ZSCAN5A: variants seen among roughly 807,000 people sequenced by gnomAD.
ZSCAN5A encodes the protein zinc finger and SCAN domain containing 5A.
Under a neutral mutation model 23.7 loss-of-function variants are expected in ZSCAN5A, and 12 were observed. The ratio of observed to expected loss-of-function variants is 0.51; its 90% confidence interval spans 0.32 to 0.82. The LOEUF (loss-of-function observed/expected upper bound fraction) is 0.82. Among genes scored for constraint, ZSCAN5A ranks in the 40% least tolerant of loss-of-function variants. The probability of loss-of-function intolerance (pLI) is 0.03; values close to 1 mark genes in which losing one functional copy is unlikely to be tolerated. For missense variants in ZSCAN5A, 597 were observed against 617.9 expected (o/e 0.97, Z 0.36); for synonymous variants, 257 against 239.9 (o/e 1.07, Z -0.66).
At chr19:56,321,086 A>C (rs2041370633) in intron 2 of ZSCAN5A, 1 of 698,298 alleles carries the variant, frequency 1.4e-6, no homozygotes, top group Non-Finnish European at 2.7e-6. Context: ...GTATCTGCAG[A>C]TTTGGGATCT....
At chr19:56,223,073 G>C (rs1475614311) in intron 4 of ZSCAN5A, among the ~76,000 whole-genome samples, 5 of 152,160 alleles carry the variant, frequency 3.3e-5, no homozygotes, top group Admixed American at 6.5e-5. Flanking sequence ...AGGCCCCTCA[G>C]CTGTGGCACC....
At chr19:56,254,864 T>C (rs1437816006) in intron 2 of ZSCAN5A, among the ~76,000 whole-genome samples, 1 of 152,148 alleles carries the variant, frequency 6.6e-6, no homozygotes, top group Non-Finnish European at 1.5e-5. Flanking sequence ...TCTAAGTTCT[T>C]TGCCCATTTT....
At chr19:56,247,360 G>A (rs971285406) in intron 2 of ZSCAN5A, 7 of 228,604 alleles carry the variant, frequency 3.1e-5, no homozygotes, top group South Asian at 2.9e-4. Context: ...GAACCTGAAC[G>A]AGCACAAGCT....
intron 2 of ZSCAN5A, among the ~76,000 whole-genome samples, chr19:56,324,835 C>G (rs2041418011): frequency 6.6e-6 from 1 of 152,182 alleles, no homozygotes; most frequent in Non-Finnish European, 1.5e-5. Context: ...TCACCCAGCA[C>G]TGTTTTGGAG....
At chr19:56,277,685 T>A (rs1169837042) in intron 2 of ZSCAN5A, among the ~76,000 whole-genome samples, 1 of 152,046 alleles carries the variant, frequency 6.6e-6, no homozygotes, top group African/African-American at 2.4e-5. Flanking sequence ...GTGAATTATA[T>A]CTCAGTAAAG....
intron 2 of ZSCAN5A, among the ~76,000 whole-genome samples, chr19:56,256,779 G>A (rs1356773978): frequency 2.0e-5 from 3 of 152,168 alleles, no homozygotes; most frequent in African/African-American, 4.8e-5. Context: ...ACATCCAGTC[G>A]TGTGACGATT....
intron 2 of ZSCAN5A, among the ~76,000 whole-genome samples, chr19:56,296,572 G>T (rs2039891051): frequency 6.6e-6 from 1 of 152,150 alleles, no homozygotes; most frequent in African/African-American, 2.4e-5. Flanking sequence ...GTTATTCTAG[G>T]TGTTAGAGAT....
At chr19:56,353,591 C>T (rs56374537) in intron 2 of ZSCAN5A, among the ~76,000 whole-genome samples, 9,996 of 151,706 alleles carry the variant, frequency 0.066, 349 homozygotes, top group Middle Eastern at 0.18. Context: ...TCCTGGCTAA[C>T]GGCGGTGAAA....
chr19:56,251,910 G>A (rs757769062), intron 2 of ZSCAN5A, among the ~76,000 whole-genome samples: 1 of 152,122 alleles, frequency 6.6e-6, no homozygotes, highest in Non-Finnish European at 1.5e-5. Flanking sequence ...GAGCAAACCA[G>A]AGAAGAATAT....
chr19:56,253,613 G>A (rs562169366), intron 2 of ZSCAN5A, among the ~76,000 whole-genome samples: 47 of 86,080 alleles, frequency 5.5e-4, no homozygotes, highest in African/African-American at 4.5e-3. Flanking sequence ...GGAGGTGAGG[G>A]TTGTGATATT....
intron 2 of ZSCAN5A, chr19:56,263,296 C>T (rs1448201760): frequency 6.6e-6 from 1 of 152,206 alleles, no homozygotes; most frequent in Non-Finnish European, 1.5e-5. Context: ...TGAGCTCCAG[C>T]TTATGAGGAA....
At chr19:56,254,918 A>G (rs1318222967) in intron 2 of ZSCAN5A, among the ~76,000 whole-genome samples, 1 of 152,042 alleles carries the variant, frequency 6.6e-6, no homozygotes, top group Admixed American at 6.6e-5. Context: ...AGCGTTCTTT[A>G]TATACTCTGG....
chr19:56,246,830 A>G, intron 2 of ZSCAN5A: 1 of 1,611,452 alleles, frequency 6.2e-7, no homozygotes, highest in South Asian at 1.1e-5. Context: ...GTGGAGAGAG[A>G]AGCTTCGACT....
At chr19:56,310,445 T>C (rs1188683568) in intron 2 of ZSCAN5A, 1 of 152,260 alleles carries the variant, frequency 6.6e-6, no homozygotes, top group Non-Finnish European at 1.5e-5. Flanking sequence ...TGTATACTTG[T>C]TGAAATGGCT....
intron 2 of ZSCAN5A, among the ~76,000 whole-genome samples, chr19:56,237,516 T>C (rs1328110579): frequency 2.0e-5 from 3 of 152,214 alleles, no homozygotes; most frequent in Non-Finnish European, 2.9e-5. Context: ...GTAGGTGACA[T>C]AATATTAAAT....
At chr19:56,276,357 A>C (rs1033380636) in intron 2 of ZSCAN5A, among the ~76,000 whole-genome samples, 1 of 152,176 alleles carries the variant, frequency 6.6e-6, no homozygotes, top group Non-Finnish European at 1.5e-5. Context: ...TCGGAAAATG[A>C]AGAGCATTTA....
At chr19:56,318,535 A>G (rs548093986), upstream of ZSCAN5A, among the ~76,000 whole-genome samples, 22 of 152,308 alleles carry the variant, frequency 1.4e-4, no homozygotes, top group African/African-American at 5.1e-4. Context: ...TGCACTGGCT[A>G]TTCTTTAAAA....
chr19:56,355,845 C>G (rs1464311335), intron 2 of ZSCAN5A, among the ~76,000 whole-genome samples: 2 of 148,512 alleles, frequency 1.3e-5, no homozygotes, highest in Admixed American at 6.7e-5. Context: ...AGGTTTGAAT[C>G]AGGATTGGGA....
At chr19:56,243,385 A>C (rs73621038) in intron 2 of ZSCAN5A, among the ~76,000 whole-genome samples, 9,271 of 151,082 alleles carry the variant, frequency 0.061, 690 homozygotes, top group African/African-American at 0.18. Context: ...ATGAATGTGC[A>C]TTTTACCAAA....
Sources: allele counts gnomAD v4.1 joint callset (sites outside exome capture counted in the v4.1 genomes callset), GRCh38; gene constraint gnomAD v4.1.1; transcripts MANE v1.5; gene names NCBI Gene and HGNC (gene_info 2026-07-23, HGNC 2026-07-21).